The following DENND4A variants were observed in gnomAD, a reference collection of about 807,000 sequenced individuals.
DENND4A encodes the protein DENN domain containing 4A, also known as C-myc promoter-binding protein.
DENND4A carries 70 observed loss-of-function variants against 199.3 expected under a neutral mutation model. The observed-to-expected ratio is 0.35, with a 90% confidence interval of 0.29 to 0.43. The LOEUF is 0.43. Ranked by LOEUF, DENND4A falls within the 20% of genes least tolerant of loss-of-function variation. The pLI is 1.00. For synonymous variants in DENND4A, 686 were observed against 766.9 expected, an observed-to-expected ratio of 0.89 and a Z score of 1.74; for missense variants, 1,723 against 2,255.8, an observed-to-expected ratio of 0.76 and a Z score of 4.78.
intron 7 of DENND4A, among the ~76,000 whole-genome samples, chr15:65,734,239 C>T (rs1242694868): frequency 1.3e-5 from 2 of 152,192 alleles, no homozygotes. Context: ...CGCCTTAAGG[C>T]TGGAGGTGGG....
chr15:65,786,406 C>T (rs779780287), intron 1 of DENND4A, among the ~76,000 whole-genome samples: 1 of 151,702 alleles, frequency 6.6e-6, no homozygotes, highest in Non-Finnish European at 1.5e-5. Context: ...TTTTCTAGTG[C>T]CAGGCTCAGT....
chr15:65,750,788 T>A (rs1356215577), intron 4 of DENND4A, among the ~76,000 whole-genome samples: 1 of 152,036 alleles, frequency 6.6e-6, no homozygotes, highest in Non-Finnish European at 1.5e-5. Context: ...TTAAGGATCA[T>A]GCATGGGAGG....
chr15:65,785,657 T>C (rs763030599), intron 1 of DENND4A, among the ~76,000 whole-genome samples: 3 of 152,082 alleles, frequency 2.0e-5, no homozygotes, highest in Non-Finnish European at 4.4e-5. Context: ...GCTTCAGATA[T>C]ATATTTAATA....
intron 20 of DENND4A, among the ~76,000 whole-genome samples, chr15:65,700,180 A>G (rs977286575): frequency 1.3e-5 from 2 of 151,980 alleles, no homozygotes; most frequent in African/African-American, 4.8e-5. Context: ...ATTAACTTAG[A>G]CACAGAGCTA....
At chr15:65,767,781 TAAAAC>T (rs1370667217) in intron 1 of DENND4A, among the ~76,000 whole-genome samples, 1 of 152,168 alleles carries the variant, frequency 6.6e-6, no homozygotes, top group East Asian at 1.9e-4. Flanking sequence ...TATATAAACT[TAAAAC>T]ATATATATTA....
chr15:65,676,298 C>A, intron 24 of DENND4A, 147 bp downstream of exon 24: 3 of 689,690 alleles, frequency 4.3e-6, no homozygotes, highest in Admixed American at 3.7e-5. Flanking sequence ...GTGAAAGTGC[C>A]TTGGTTTTAT....
chr15:65,777,335 TACATTTTTTAAATTACAA>T (rs2077309357), intron 1 of DENND4A, among the ~76,000 whole-genome samples: 1 of 152,056 alleles, frequency 6.6e-6, no homozygotes, highest in Admixed American at 6.5e-5. Context: ...TAAGCCAGCT[TACATTTTTTAAATTACAA>T]ACAATTTTTT....
At chr15:65,743,642 G>T (rs2076314140) in intron 4 of DENND4A, among the ~76,000 whole-genome samples, 1 of 152,064 alleles carries the variant, frequency 6.6e-6, no homozygotes, top group Admixed American at 6.6e-5. Context: ...CCTCCACTCT[G>T]ATAAGTTCTA....
At chr15:65,770,738 C>A (rs2077105267) in intron 1 of DENND4A, among the ~76,000 whole-genome samples, 1 of 152,068 alleles carries the variant, frequency 6.6e-6, no homozygotes, top group South Asian at 2.1e-4. Context: ...TGTCATATAA[C>A]ATTTATTCCA....
chr15:65,725,945 G>C (rs1361268250), intron 11 of DENND4A: 1 of 152,248 alleles, frequency 6.6e-6, no homozygotes, highest in South Asian at 2.1e-4. Context: ...CTAATTGAAG[G>C]AAAGTAGAAA....
chr15:65,732,248 C>T (rs1056586125), intron 8 of DENND4A, among the ~76,000 whole-genome samples: 1 of 152,038 alleles, frequency 6.6e-6, no homozygotes, highest in Non-Finnish European at 1.5e-5. Context: ...TGTATTTAAA[C>T]TGAATGTGTT....
chr15:65,760,901 G>C (rs1056986323), intron 2 of DENND4A, among the ~76,000 whole-genome samples: 2 of 152,030 alleles, frequency 1.3e-5, no homozygotes, highest in Non-Finnish European at 1.5e-5. Context: ...AAAAAAAAGC[G>C]GAAACAGAAG....
At chr15:65,669,691 G>A (rs2076158899) in intron 27 of DENND4A, 88 bp downstream of exon 27, 1 of 1,159,866 alleles carries the variant, frequency 8.6e-7, no homozygotes, top group African/African-American at 1.6e-5. Flanking sequence ...ATTTAAACCT[G>A]GAAATGGTCA....
At chr15:65,686,198 C>A (rs935913563) in intron 23 of DENND4A, among the ~76,000 whole-genome samples, 1 of 152,110 alleles carries the variant, frequency 6.6e-6, no homozygotes, top group Admixed American at 6.5e-5. Flanking sequence ...TTTTAAAATC[C>A]CTCAGTAATG....
At position 65,664,413 on chromosome 15, in the gene DENND4A, G is replaced by A. The variant is rs752545903; in HGVS notation, c.5523-19C>T. The stretch of plus-strand genomic sequence containing the variant: ...TAAACTCCTAGGGAGAAAAAGTCAT[G>A]GAGAAAATATTAGTATCCATATAGT... On this transcript the variant is annotated intron_variant, in intron 31 of 32. Coordinates refer to ENST00000443035, the MANE Select transcript of DENND4A (RefSeq NM_001320835.1). 1.1e-5 allele frequency: 17 copies of A among 1,576,588 alleles called. No homozygotes were observed. The highest frequency in any genetic ancestry group is 2.2e-5 in the East Asian group (1 of 44,534).
At chr15:65,712,311 T>C (rs942424314) in intron 14 of DENND4A, among the ~76,000 whole-genome samples, 2 of 152,202 alleles carry the variant, frequency 1.3e-5, no homozygotes, top group Non-Finnish European at 2.9e-5. Context: ...ATTTCTGTTA[T>C]GAAATGATAA....
chr15:65,683,560 T>C (rs574008827), intron 23 of DENND4A, among the ~76,000 whole-genome samples: 1 of 152,334 alleles, frequency 6.6e-6, no homozygotes, highest in Admixed American at 6.5e-5. Flanking sequence ...CAAATTTTGA[T>C]ATATTTTTGT....
At chr15:65,790,051 T>G (rs2077673506) in intron 1 of DENND4A, among the ~76,000 whole-genome samples, 1 of 152,170 alleles carries the variant, frequency 6.6e-6, no homozygotes, top group Non-Finnish European at 1.5e-5. Context: ...TACTTTTATT[T>G]TACAATTCTA....
At position 65,691,007 on chromosome 15, in the gene DENND4A, C is replaced by A. The variant is rs541049727; in HGVS notation, c.3587G>T (p.Ser1196Ile). The change falls in exon 23 of 33, where the codon AGC (serine) becomes ATC (isoleucine). Residue 1196 changes from serine (S) to isoleucine (I), a missense_variant. By Grantham distance (142) the Ser-to-Ile change is moderately radical. This residue lies in a region of DENND4A where 650 missense variants were observed against 738.1 expected (regional missense o/e 0.88). Coordinates refer to ENST00000443035, the MANE Select transcript of DENND4A (RefSeq NM_001320835.1). ...TTTTTCAAAAGGTTTTACTGAAAAG[C>A]TGCTGTTCATACGTTGAATCCTCTT... ...NPKRIQRMNS[S>I]FSVKPFEKTD... The A allele has an allele frequency of 7.5e-6, 12 of 1,610,298 alleles. No homozygotes were observed. The South Asian group carries it at 1.2e-4, about 16-fold the overall frequency.
Sources: allele counts gnomAD v4.1 joint callset (sites outside exome capture counted in the v4.1 genomes callset), GRCh38; gene constraint gnomAD v4.1.1; regional missense constraint gnomAD v4.1.1; transcripts MANE v1.5; gene names NCBI Gene and HGNC (gene_info 2026-07-23, HGNC 2026-07-21).